SETD7: variants seen among roughly 807,000 people sequenced by gnomAD.
SETD7 encodes the protein SET domain containing 7, histone lysine methyltransferase.
In SETD7, 16 loss-of-function variants were observed where a neutral mutation model predicts 41.8. That is an observed-to-expected ratio of 0.38 (90% CI 0.26 to 0.58). The LOEUF (loss-of-function observed/expected upper bound fraction) is 0.58. Ranked by LOEUF, SETD7 falls within the 20% of genes least tolerant of loss-of-function variation. The probability of loss-of-function intolerance (pLI) is 0.64; values close to 1 mark genes in which losing one functional copy is unlikely to be tolerated. For missense variants in SETD7, 346 were observed against 459.7 expected, an observed-to-expected ratio of 0.75 and a Z score of 2.26; for synonymous variants, 163 against 169.7, an observed-to-expected ratio of 0.96 and a Z score of 0.31.
chr4:139,544,797 AGT>A (rs10581648), intron 2 of SETD7, among the ~76,000 whole-genome samples: 11,616 of 144,664 alleles, frequency 0.08, 499 homozygotes, highest in African/African-American at 0.13. Context: ...CCAGATTTAA[AGT>A]GTGTGTGTGT....
At chr4:139,538,337 A>C (rs1727695650) in intron 2 of SETD7, among the ~76,000 whole-genome samples, 1 of 152,094 alleles carries the variant, frequency 6.6e-6, no homozygotes, top group Non-Finnish European at 1.5e-5. Context: ...AGACTTTTTC[A>C]TTTCTTTTTT....
chr4:139,533,505 C>T, intron 2 of SETD7, 139 bp from the exon 3 acceptor site: 3 of 695,504 alleles, frequency 4.3e-6, no homozygotes, highest in South Asian at 1.9e-5. Context: ...AAATTATCAT[C>T]GACTGCTAGG....
chr4:139,518,791 T>C (rs1260609403), intron 6 of SETD7, among the ~76,000 whole-genome samples: 1 of 152,220 alleles, frequency 6.6e-6, no homozygotes, highest in African/African-American at 2.4e-5. Flanking sequence ...AGCCATCGAT[T>C]ACCAGCATGC....
At chr4:139,525,983 CGTTAA>C (rs1727317954) in intron 4 of SETD7, among the ~76,000 whole-genome samples, 1 of 152,112 alleles carries the variant, frequency 6.6e-6, no homozygotes, top group Admixed American at 6.5e-5. Context: ...TTCTTTTCTG[CGTTAA>C]GTTAATTTGA....
At chr4:139,523,506 T>C in intron 4 of SETD7, 71 bp from the exon 5 acceptor site, 3 of 1,113,754 alleles carry the variant, frequency 2.7e-6, no homozygotes. Context: ...TTCTCTCTAT[T>C]CATGGGACAA....
At chr4:139,551,471 A>T (rs1728107888) in intron 1 of SETD7, among the ~76,000 whole-genome samples, 1 of 152,240 alleles carries the variant, frequency 6.6e-6, no homozygotes, top group Non-Finnish European at 1.5e-5. Context: ...AACAGATAGA[A>T]AGTTACAATT....
intron 2 of SETD7, 81 bp downstream of exon 2, chr4:139,546,839 T>C: frequency 5.7e-6 from 9 of 1,585,732 alleles, no homozygotes; most frequent in Non-Finnish European, 7.8e-6. Flanking sequence ...AAACTTCCAC[T>C]TGAATTCTTT....
At chr4:139,494,024 C>T (rs1726407176), downstream of SETD7, among the ~76,000 whole-genome samples, 1 of 152,180 alleles carries the variant, frequency 6.6e-6, no homozygotes, top group Admixed American at 6.5e-5. Context: ...CCAGCCTTAG[C>T]TGCAAGAGAT....
At chr4:139,497,778 A>G (rs1189352420) in intron 7 of SETD7, among the ~76,000 whole-genome samples, 1 of 152,002 alleles carries the variant, frequency 6.6e-6, no homozygotes, top group Non-Finnish European at 1.5e-5. Context: ...TTTTTAGTAG[A>G]GATGGGTTTT....
intron 2 of SETD7, among the ~76,000 whole-genome samples, chr4:139,539,997 T>G (rs981994566): frequency 3.3e-5 from 5 of 152,190 alleles, no homozygotes; most frequent in Admixed American, 2.6e-4. Context: ...CCACCCAGTC[T>G]ATGGAATTTG....
chr4:139,502,831 A>G (rs1726611460), downstream of SETD7, among the ~76,000 whole-genome samples: 1 of 152,162 alleles, frequency 6.6e-6, no homozygotes, highest in Non-Finnish European at 1.5e-5. Context: ...CTGGAAATCC[A>G]GGCAGAGGAG....
rs533469318 is a variant in SETD7, at chr4:139,527,857, C to A, written c.562+1174G>T. On this transcript the variant is annotated intron_variant, in intron 4 of 7. Coordinates refer to ENST00000274031, the MANE Select transcript of SETD7 (RefSeq NM_030648.4). ...TCCCACATTGCATTTAGACTGTCTCCATTTTTAACTTAAAAAAACAAAAAA... is the reference window on the plus strand; with the variant it reads ...TCCCACATTGCATTTAGACTGTCTCAATTTTTAACTTAAAAAAACAAAAAA... 4.8e-4 allele frequency among the ~76,000 whole-genome samples: 73 copies of A among 152,252 alleles called. 1 individual carries two copies. Among genetic ancestry groups the A allele is most frequent in the African/African-American group, 1.7e-3 (70 of 41,548 alleles).
At position 139,533,246 on chromosome 4, in the gene SETD7, T is replaced by C. The variant is rs139319499; in HGVS notation, c.291A>G (p.Glu97=). The change falls in exon 3 of 8, where the codon GAA becomes GAG. Residue 97 remains glutamate (E), a synonymous_variant. Transcript: ENST00000274031. ...VDGELNGPAQ[E]YDTDGRLIFK... ...AGATCAGTCTCCCATCTGTGTCATA[T>C]TCCTGGGCTGGACCGTTCAGCTCTC... is the stretch of plus-strand genomic sequence containing the variant. The C allele has an allele frequency of 1.4e-5, 22 of 1,614,250 alleles. No homozygotes were observed. The Admixed American group carries it at 1.5e-4, about 11-fold the overall frequency.
At chr4:139,505,807 C>T (rs534097105), downstream of SETD7, among the ~76,000 whole-genome samples, 7 of 152,230 alleles carry the variant, frequency 4.6e-5, no homozygotes, top group Non-Finnish European at 8.8e-5. Flanking sequence ...GTATTCAATC[C>T]GACACTTTCT....
chr4:139,494,799 G>A (rs774652179), downstream of SETD7, among the ~76,000 whole-genome samples: 17 of 152,248 alleles, frequency 1.1e-4, no homozygotes, highest in South Asian at 8.3e-4. Flanking sequence ...GCATCCTCGC[G>A]GTTCACTCAC....
rs1579199104 is a variant in SETD7 at position 139,508,925 on chromosome 4, A to T, written c.*2738T>A. On this transcript the variant is annotated 3_prime_UTR_variant, in exon 8 of 8. Transcript: ENST00000274031. ...CAGAACTCAGTGAATCTCAAGCCTT[A>T]CTCCGATTCCAACCTGCCACAGAGC... 2.6e-5 allele frequency: 4 copies of T among 151,522 alleles called. No homozygotes were observed. The South Asian group carries it at 8.3e-4, about 32-fold the overall frequency. The allele number at this position is 151,522 out of a possible 1,614,324, so 9.4% of individuals were successfully genotyped here.
chr4:139,512,530 G>C (rs1054056600), intron 7 of SETD7, among the ~76,000 whole-genome samples: 2 of 152,102 alleles, frequency 1.3e-5, no homozygotes, highest in African/African-American at 2.4e-5. Flanking sequence ...CCAGAAACGA[G>C]GTTAACACTA....
chr4:139,512,624 T>C (rs532852940), intron 7 of SETD7, among the ~76,000 whole-genome samples: 1 of 152,172 alleles, frequency 6.6e-6, no homozygotes, highest in African/African-American at 2.4e-5. Flanking sequence ...AAGCAATAAA[T>C]AGACTTAGCT....
chr4:139,549,055 A>G (rs1419973156), intron 1 of SETD7, among the ~76,000 whole-genome samples: 1 of 152,112 alleles, frequency 6.6e-6, no homozygotes, highest in Non-Finnish European at 1.5e-5. Flanking sequence ...TATTGCTAAG[A>G]GCTTTTTTTA....
Sources: gnomAD v4.1 joint callset for allele counts (sites outside exome capture counted in the v4.1 genomes callset) on GRCh38, gnomAD v4.1.1 for gene constraint, MANE v1.5 for transcripts, NCBI Gene and HGNC (gene_info 2026-07-23, HGNC 2026-07-21) for gene names.